Variants in MVB12B observed in about 807,000 individuals in gnomAD.
The protein encoded by MVB12B is ESCRT-I complex subunit MVB12B.
Under a neutral mutation model 41.6 loss-of-function variants are expected in MVB12B, and 16 were observed. The observed-to-expected ratio is 0.38, with a 90% CI of 0.26 to 0.58. MVB12B has a LOEUF of 0.58. MVB12B is among the 20% of genes least tolerant of loss of function. The pLI, the probability that MVB12B is intolerant of heterozygous loss-of-function variation, is 0.62. For synonymous variants in MVB12B, 133 were observed against 139.7 expected, an observed-to-expected ratio of 0.95 and a Z score of 0.34; for missense variants, 274 against 380.2, an observed-to-expected ratio of 0.72 and a Z score of 2.32.
chr9:126,359,831 C>A (rs1191121558), intron 2 of MVB12B, among the ~76,000 whole-genome samples: 3 of 151,828 alleles, frequency 2.0e-5, no homozygotes, highest in Admixed American at 6.6e-5. Flanking sequence ...TTTTTTAGTT[C>A]TTTCCATTTT....
intron 6 of MVB12B, among the ~76,000 whole-genome samples, chr9:126,402,236 A>C (rs1831286408): frequency 6.6e-6 from 1 of 152,160 alleles, no homozygotes; most frequent in African/African-American, 2.4e-5. Flanking sequence ...TTTGTCCCCT[A>C]GTAATAAATT....
At chr9:126,352,760 A>T (rs1402797946) in intron 2 of MVB12B, among the ~76,000 whole-genome samples, 5 of 152,188 alleles carry the variant, frequency 3.3e-5, no homozygotes, top group African/African-American at 9.7e-5. Flanking sequence ...TATTCCTGGA[A>T]GTGGAAGTAC....
intron 1 of MVB12B, among the ~76,000 whole-genome samples, chr9:126,332,104 G>C (rs1327651576): frequency 6.6e-6 from 1 of 152,084 alleles, no homozygotes; most frequent in African/African-American, 2.4e-5. Flanking sequence ...AGCAGTCCCT[G>C]TGTGTTCACA....
At chr9:126,331,989 G>C (rs1829143437) in intron 1 of MVB12B, among the ~76,000 whole-genome samples, 1 of 152,240 alleles carries the variant, frequency 6.6e-6, no homozygotes, top group Admixed American at 6.5e-5. Flanking sequence ...CAGCAGAGAA[G>C]TGCAGACAGG....
intron 7 of MVB12B, chr9:126,448,323 C>T (rs1164733943): frequency 2.0e-5 from 3 of 152,312 alleles, no homozygotes; most frequent in African/African-American, 7.2e-5. Flanking sequence ...CCTTGAGAGA[C>T]CACACATATG....
In MVB12B at chr9:126,395,262, A is replaced by G. The variant is rs10491513; in HGVS notation, c.540-313A>G. ...GATGTGGATTATCACGTCACACTCC[A>G]CAAGGAAATGGCAAAACAAAAAGAA... On this transcript the variant is annotated intron_variant, in intron 5 of 9. Transcript: ENST00000361171. The surrounding 1 kb of genome is among the most constrained non-coding windows in gnomAD (Gnocchi z 4.9). 0.17 allele frequency among the ~76,000 whole-genome samples: 26,542 copies of G among 152,234 alleles called. 2,436 individuals carry two copies. The highest frequency in any genetic ancestry group is 0.22 in the Middle Eastern group (66 of 294).
chr9:126,496,263 A>G (rs895780009), intron 9 of MVB12B, among the ~76,000 whole-genome samples: 2 of 118,854 alleles, frequency 1.7e-5, no homozygotes, highest in East Asian at 2.7e-4. Flanking sequence ...CCATCCACCT[A>G]CCCATCGCCC....
intron 2 of MVB12B, among the ~76,000 whole-genome samples, chr9:126,347,999 A>T (rs1588093026): frequency 6.6e-6 from 1 of 152,214 alleles, no homozygotes; most frequent in South Asian, 2.1e-4. Context: ...GAAGCCAATG[A>T]GGAAACAAGG....
chr9:126,429,908 C>T (rs967957185), intron 7 of MVB12B, among the ~76,000 whole-genome samples: 5 of 152,146 alleles, frequency 3.3e-5, no homozygotes, highest in Non-Finnish European at 5.9e-5. Context: ...TCATCTTACT[C>T]CAGATGAAGT....
Position 126,389,745 on chromosome 9 carries a change from A to C in MVB12B, c.410-2321A>C, listed in dbSNP as rs1274644745. On this transcript the variant is annotated intron_variant, in intron 4 of 9. Coordinates refer to ENST00000361171, the MANE Select transcript of MVB12B (RefSeq NM_033446.3). This position sits in a 1 kb window ranked among gnomAD's most constrained non-coding sequence, Gnocchi z 4.4. ...CCATGAGCAGCGCCCCCAACTCCCC[A>C]GGTTGCTGTCCCAAGTGTGGACCCT... 6.6e-6 allele frequency among the ~76,000 whole-genome samples: 1 copy of C among 151,960 alleles called. No homozygotes were observed. Among genetic ancestry groups the C allele is most frequent in the Non-Finnish European group, 1.5e-5 (1 of 67,988 alleles).
At chr9:126,442,824 C>G (rs949013065) in intron 7 of MVB12B, among the ~76,000 whole-genome samples, 1 of 152,166 alleles carries the variant, frequency 6.6e-6, no homozygotes, top group Admixed American at 6.5e-5. Context: ...TCCTCTTCCC[C>G]CAATGTGCCT....
chr9:126,482,646 C>T (rs1833548218), intron 8 of MVB12B, among the ~76,000 whole-genome samples: 2 of 152,168 alleles, frequency 1.3e-5, no homozygotes, highest in African/African-American at 4.8e-5. Context: ...TCTGCTGGGT[C>T]GCAGGCAGGC....
intron 6 of MVB12B, among the ~76,000 whole-genome samples, chr9:126,416,163 C>G (rs1232245337): frequency 6.6e-6 from 1 of 152,162 alleles, no homozygotes; most frequent in Non-Finnish European, 1.5e-5. Context: ...GCATGGAGGC[C>G]CTCATGAGCC....
At position 126,504,466 on chromosome 9, in the gene MVB12B, AGGCTTGATGCTGCGGTTGGG is replaced by A. The variant is rs1048925372; in HGVS notation, c.*1208_*1227del. 2.6e-5 allele frequency: 4 copies of A among 152,500 alleles called. No individual in the cohort carries two copies. The highest frequency in any genetic ancestry group is 9.7e-5 in the African/African-American group (4 of 41,444). The allele number at this position is 152,500 out of a possible 1,614,324, so 9.4% of individuals were successfully genotyped here. A position where few individuals can be genotyped will look rare whatever the true frequency, so the allele number is the denominator to read the frequency against. On this transcript the variant is annotated 3_prime_UTR_variant, in exon 10 of 10. Transcript: ENST00000361171. ...CCCAAGAGTTGGCTCTTGGATGTGG[AGGCTTGATGCTGCGGTTGGG>A]GGCTGCACTACCTGCGTCCGTGGAA...
chr9:126,487,728 T>C (rs1429871919), intron 9 of MVB12B, among the ~76,000 whole-genome samples: 4 of 150,276 alleles, frequency 2.7e-5, no homozygotes, highest in Admixed American at 1.3e-4. Flanking sequence ...GATTGCACCA[T>C]TGCATTCCGG....
chr9:126,408,588 A>G (rs1416377518), intron 6 of MVB12B, among the ~76,000 whole-genome samples: 1 of 151,340 alleles, frequency 6.6e-6, no homozygotes, highest in African/African-American at 2.4e-5. Context: ...TTAAGGAGAG[A>G]TGGCTAACCT....
In MVB12B at chr9:126,503,667, C is replaced by G. The variant is rs984004474; in HGVS notation, c.*404C>G. ...CCTACCAGGGCAGACCCCACTAAGCCGTTGAGTCTCTTCCTGGAAGACCCT... is the reference window on the plus strand; with the variant it reads ...CCTACCAGGGCAGACCCCACTAAGCGGTTGAGTCTCTTCCTGGAAGACCCT... On this transcript the variant is annotated 3_prime_UTR_variant, in exon 10 of 10. Coordinates refer to ENST00000361171, the MANE Select transcript of MVB12B (RefSeq NM_033446.3). The G allele has an allele frequency of 4.4e-6, 1 of 226,020 alleles. No homozygotes were observed. The highest frequency in any genetic ancestry group is 8.7e-6 in the Non-Finnish European group (1 of 114,806). 14.0% of individuals were successfully genotyped at this position (226,020 alleles called of 1,614,324 possible).
At chr9:126,388,202 C>G (rs1472932077) in intron 4 of MVB12B, among the ~76,000 whole-genome samples, 1 of 152,128 alleles carries the variant, frequency 6.6e-6, no homozygotes. Context: ...CTCACCTCCC[C>G]ACTCCCCGCC....
intron 5 of MVB12B, among the ~76,000 whole-genome samples, chr9:126,393,370 C>T (rs112248203): frequency 1.2e-3 from 181 of 152,330 alleles, no homozygotes; most frequent in African/African-American, 4.1e-3. Context: ...AGGCCTGGTG[C>T]TACAGTAGCT....
Sources: gnomAD v4.1 joint callset for allele counts (sites outside exome capture counted in the v4.1 genomes callset) on GRCh38, gnomAD v4.1.1 for gene constraint, Gnocchi (gnomAD v3.1) non-coding constraint, MANE v1.5 for transcripts, NCBI Gene and HGNC (gene_info 2026-07-23, HGNC 2026-07-21) for gene names.